Variants in UNC80 observed in about 807,000 individuals in gnomAD.
The protein encoded by UNC80 is unc-80 subunit of NALCN channel complex, also known as protein unc-80 homolog.
Under a neutral mutation model 384.6 loss-of-function variants are expected in UNC80, and 164 were observed. The ratio of observed to expected loss-of-function variants is 0.43; its 90% CI spans 0.38 to 0.49. The LOEUF is 0.49. Ranked by LOEUF, UNC80 falls within the 20% of genes least tolerant of loss-of-function variation. The pLI is 0.00. For missense variants in UNC80, 3,330 were observed against 4,143.0 expected, an observed-to-expected ratio of 0.80 and a Z score of 5.39; for synonymous variants, 1,486 against 1,527.8, an observed-to-expected ratio of 0.97 and a Z score of 0.64.
chr2:209,838,604 A>T (rs2081510219), intron 18 of UNC80, among the ~76,000 whole-genome samples: 1 of 152,134 alleles, frequency 6.6e-6, no homozygotes, highest in African/African-American at 2.4e-5. Context: ...GTATGATACT[A>T]TACTGGGGTG....
intron 1 of UNC80, 94 bp from the exon 2 acceptor site, chr2:209,773,000 C>T (rs917727494): frequency 2.0e-6 from 2 of 991,176 alleles, no homozygotes; most frequent in African/African-American, 3.3e-5. Flanking sequence ...AATTTCATAG[C>T]ATCCTGTCTT....
At chr2:209,793,987 T>A in intron 7 of UNC80, 128 bp downstream of exon 7, 1 of 1,094,592 alleles carries the variant, frequency 9.1e-7, no homozygotes, top group Non-Finnish European at 1.3e-6. Context: ...ATACATATTC[T>A]TGGTCAAAGT....
At chr2:209,893,713 A>G (rs189549818) in intron 26 of UNC80, among the ~76,000 whole-genome samples, 115 of 152,300 alleles carry the variant, frequency 7.6e-4, no homozygotes, top group Admixed American at 3.0e-3. Context: ...ACTATTGGAG[A>G]GAGAAGCACC....
chr2:209,929,855 T>C lies in UNC80; in HGVS notation c.5807-16T>C. The C allele has an allele frequency of 6.7e-7, 1 of 1,496,718 alleles. No homozygotes were observed. The highest frequency in any genetic ancestry group is 1.3e-5 in the South Asian group (1 of 76,134). The allele number at this position is 1,496,718 out of a possible 1,614,324, so 92.7% of individuals were successfully genotyped here. ...TCCATTAAAGACAAATGTTCAACTT[T>C]CTTTCTCTTCTGAAGTGAGTGCTGT... On this transcript the variant is annotated splice_polypyrimidine_tract_variant and intron_variant, in intron 36 of 64. Transcript: ENST00000673920.
chr2:209,835,694 G>A (rs146540098), intron 18 of UNC80, among the ~76,000 whole-genome samples: 13 of 152,190 alleles, frequency 8.5e-5, no homozygotes, highest in Admixed American at 2.0e-4. Flanking sequence ...CATGTACTTC[G>A]TTTTAGGTAT....
chr2:209,849,952 T>C (rs6725313), intron 22 of UNC80, among the ~76,000 whole-genome samples: 7,732 of 152,016 alleles, frequency 0.051, 663 homozygotes, highest in African/African-American at 0.18. Flanking sequence ...GTGCGAAAAC[T>C]AAATGAGATA....
chr2:209,821,218 GTGCA>G (rs1309392365), intron 13 of UNC80, among the ~76,000 whole-genome samples: 1 of 152,000 alleles, frequency 6.6e-6, no homozygotes, highest in African/African-American at 2.4e-5. Flanking sequence ...CCTCTTCTTT[GTGCA>G]TGCAGAGAAA....
In UNC80 at chr2:209,793,847, C is replaced by T. The variant is rs1474630451; in HGVS notation, c.926C>T (p.Pro309Leu). 3 of 1,614,044 alleles carry T rather than the reference C, an allele frequency of 1.9e-6. No individual in the cohort carries two copies. Among genetic ancestry groups the T allele is most frequent in the South Asian group, 2.2e-5 (2 of 91,066 alleles). The part of the protein sequence containing the change: ...LSSQTSQERG[P>L]SHSRASLVIP... Reference sequence around the variant, plus strand: ...TCCCAAACTTCCCAGGAAAGAGGCCCATCACATTCCAGGTACCTGATTGCA... The same window carrying T: ...TCCCAAACTTCCCAGGAAAGAGGCCTATCACATTCCAGGTACCTGATTGCA... Residue 309 changes from proline (P) to leucine (L), a missense_variant, in exon 7 of 65, where the codon CCA becomes CTA. Around this residue, in one of 8 missense-constraint regions of UNC80, gnomAD observed 937 missense variants for 1,026.8 expected, o/e 0.91. Transcript: ENST00000673920.
intron 5 of UNC80, among the ~76,000 whole-genome samples, chr2:209,787,200 A>T (rs892074401): frequency 1.8e-5 from 2 of 112,900 alleles, no homozygotes; most frequent in Non-Finnish European, 3.4e-5. Flanking sequence ...AAGCAATGGC[A>T]CATGGTGATC....
At chr2:209,845,923 T>C (rs1053161262) in intron 21 of UNC80, among the ~76,000 whole-genome samples, 1 of 151,914 alleles carries the variant, frequency 6.6e-6, no homozygotes, top group Non-Finnish European at 1.5e-5. Context: ...CCTTTTCTGA[T>C]TCCTTCCTTT....
At chr2:209,772,651 C>T (rs181320194) in intron 1 of UNC80, among the ~76,000 whole-genome samples, 1 of 152,250 alleles carries the variant, frequency 6.6e-6, no homozygotes, top group African/African-American at 2.4e-5. Flanking sequence ...GACCTTCCCC[C>T]ACAACCCCGG....
Position 209,904,836 on chromosome 2 carries a change from C to T in UNC80, c.4653C>T (p.Tyr1551=), listed in dbSNP as rs1291773267. The change falls in exon 29 of 65, where the codon TAC becomes TAT. Residue 1551 remains tyrosine, a synonymous_variant. Coordinates refer to ENST00000673920, the MANE Select transcript of UNC80 (RefSeq NM_001371986.1). ...TTGACTACTGCCATCCCCACTGCTA[C>T]CTGCACCACAGCCGCTCCTGTGCCC... The part of the protein sequence containing the change: ...THVDYCHPHC[Y]LHHSRSCARL... 17 of 1,551,846 alleles carry T rather than the reference C, an allele frequency of 1.1e-5. No homozygotes were observed. The highest frequency in any genetic ancestry group is 1.5e-5 in the Non-Finnish European group (17 of 1,147,012).
At chr2:209,942,492 A>G (rs2091693855) in intron 44 of UNC80, among the ~76,000 whole-genome samples, 1 of 152,184 alleles carries the variant, frequency 6.6e-6, no homozygotes, top group African/African-American at 2.4e-5. Flanking sequence ...CTCGTGTCTA[A>G]TGTATAGCTG....
intron 25 of UNC80, among the ~76,000 whole-genome samples, chr2:209,883,850 TCATC>T (rs2085523230): frequency 6.6e-6 from 1 of 152,212 alleles, no homozygotes; most frequent in Non-Finnish European, 1.5e-5. Flanking sequence ...TCTTCAGAGT[TCATC>T]CATGTTGTCA....
In UNC80 at chr2:209,834,087, T is replaced by A; in HGVS notation, c.2861T>A (p.Leu954Gln). 6.4e-7 allele frequency: 1 copy of A among 1,551,698 alleles called. No homozygotes were observed. The highest frequency in any genetic ancestry group is 8.7e-7 in the Non-Finnish European group (1 of 1,146,972). ...NVFRRVALSA[L>Q]LDSAEKLAPG... ...TTCAGGAGAGTGGCCCTCAGCGCTC[T>A]GCTTGACAGTGCCGAGAAGTTAGCA... The change falls in exon 17 of 65, where the codon CTG becomes CAG. Residue 954 changes from leucine (L) to glutamine (Q), a missense_variant. This residue lies in a region of UNC80 where 801 missense variants were observed against 950.8 expected (regional missense o/e 0.84). Transcript: ENST00000673920.
chr2:209,871,217 T>G (rs911722766), intron 22 of UNC80, among the ~76,000 whole-genome samples: 3 of 152,246 alleles, frequency 2.0e-5, no homozygotes, highest in African/African-American at 7.2e-5. Context: ...CTACAAATTA[T>G]CTTTTACTAA....
chr2:209,914,068 G>T, intron 31 of UNC80, 128 bp downstream of exon 31: 1 of 1,148,984 alleles, frequency 8.7e-7, no homozygotes. Context: ...TGCTATAACT[G>T]TAGACTCTAG....
At chr2:209,938,678 C>CTCTG (rs955774783) in intron 42 of UNC80, among the ~76,000 whole-genome samples, 7 of 11,670 alleles carry the variant, frequency 6.0e-4, no homozygotes, top group Non-Finnish European at 1.3e-3. Flanking sequence ...TAGTCTCTGT[C>CTCTG]TCTCTCTCTC....
chr2:209,809,732 G>A (rs536874078), intron 7 of UNC80, among the ~76,000 whole-genome samples: 8 of 152,304 alleles, frequency 5.3e-5, no homozygotes, highest in Non-Finnish European at 7.3e-5. Flanking sequence ...CAGCCGCACG[G>A]GACTTTGATG....
Sources: allele counts gnomAD v4.1 joint callset (sites outside exome capture counted in the v4.1 genomes callset), GRCh38; gene constraint gnomAD v4.1.1; regional missense constraint gnomAD v4.1.1; transcripts MANE v1.5; gene names NCBI Gene and HGNC (gene_info 2026-07-23, HGNC 2026-07-21).